The following FABP6 variants were observed in gnomAD, a reference collection of about 807,000 sequenced individuals.
The protein encoded by FABP6 is gastrotropin.
FABP6 carries 13 observed loss-of-function variants against 14.9 expected under a neutral mutation model. The observed-to-expected ratio is 0.87, with a 90% CI of 0.57 to 1.39. The LOEUF (loss-of-function observed/expected upper bound fraction) is 1.39. Among genes scored for constraint, FABP6 ranks in the 40% most tolerant of loss-of-function variants. FABP6 has a pLI of 0.00. For synonymous variants in FABP6, 75 were observed against 63.6 expected (o/e 1.18, Z -0.85); for missense variants, 161 against 167.2 (o/e 0.96, Z 0.20).
intron 3 of FABP6, among the ~76,000 whole-genome samples, chr5:160,218,559 C>G (rs555150858): frequency 1.5e-4 from 22 of 148,522 alleles, no homozygotes; most frequent in African/African-American, 5.2e-4. Flanking sequence ...CTCCCGAGTA[C>G]AAGCAGTTCT....
intron 2 of FABP6, among the ~76,000 whole-genome samples, chr5:160,234,615 C>T (rs768466448): frequency 1.3e-5 from 2 of 151,896 alleles, no homozygotes; most frequent in African/African-American, 2.4e-5. Flanking sequence ...TTAGTAGAGA[C>T]GGGGTTTCAC....
At chr5:160,208,859 C>A (rs1235972001) in intron 2 of FABP6, among the ~76,000 whole-genome samples, 1 of 150,506 alleles carries the variant, frequency 6.6e-6, no homozygotes, top group African/African-American at 2.5e-5. Flanking sequence ...TCACTGCAAC[C>A]TCTGCCTCCC....
At chr5:160,191,805 CAAA>C (rs144615205) in intron 1 of FABP6, among the ~76,000 whole-genome samples, 76 of 130,290 alleles carry the variant, frequency 5.8e-4, no homozygotes, top group Non-Finnish European at 6.6e-4. Flanking sequence ...ACTAAAAATA[CAAA>C]AAAAAAAAAA....
chr5:160,231,992 A>G, intron 1 of FABP6, 106 bp from the exon 2 acceptor site: 1 of 1,301,660 alleles, frequency 7.7e-7, no homozygotes, highest in South Asian at 1.4e-5. Context: ...CTAGCCTATC[A>G]TGCACAAGGG....
At chr5:160,199,466 C>T (rs1759584210) in intron 2 of FABP6, among the ~76,000 whole-genome samples, 1 of 152,140 alleles carries the variant, frequency 6.6e-6, no homozygotes, top group Non-Finnish European at 1.5e-5. Flanking sequence ...GCCCCCTGGG[C>T]TCACCCCCTC....
intron 1 of FABP6, among the ~76,000 whole-genome samples, chr5:160,194,305 A>C (rs958974882): frequency 9.2e-5 from 14 of 152,276 alleles, no homozygotes; most frequent in Middle Eastern, 6.8e-3. Context: ...ACCTCCCTGC[A>C]AGCTGAGGGA....
intron 1 of FABP6, among the ~76,000 whole-genome samples, chr5:160,195,539 A>C (rs1549202): frequency 0.66 from 100,181 of 151,998 alleles, 33,174 homozygotes; most frequent in East Asian, 0.79. Flanking sequence ...CTGCAGCCAC[A>C]GCTTCCCAGG....
At chr5:160,189,838 T>C (rs993609969) in intron 1 of FABP6, among the ~76,000 whole-genome samples, 1 of 152,200 alleles carries the variant, frequency 6.6e-6, no homozygotes, top group African/African-American at 2.4e-5. Context: ...AAGTTGTTGG[T>C]ATGTATGCTC....
rs117454059 is a variant in FABP6 at position 160,209,146 on chromosome 5, C to G, written c.52-4590C>G. Among the ~76,000 whole-genome samples the G allele has an allele frequency of 5.0e-3, 764 of 151,820 alleles. 16 individuals carry two copies. Among genetic ancestry groups the G allele is most frequent in the East Asian group, 0.019 (96 of 5,164 alleles). Reference sequence around the variant, plus strand: ...GCTCACACCTGTTGTCCCAGCTACTCCAGAGGCTGAGGCTGCAGTGAGCCA... The same window carrying G: ...GCTCACACCTGTTGTCCCAGCTACTGCAGAGGCTGAGGCTGCAGTGAGCCA... On this transcript the variant is annotated intron_variant, in intron 2 of 6. Transcript: ENST00000393980.
rs546743603 is a variant in FABP6 at position 160,199,385 on chromosome 5, G to A, written c.51+228G>A. ...ACTAAGATGGCTTCCCTCAGAGGAC[G>A]GACACTTGGAGTAGTGGCAGGTTCG... On this transcript the variant is annotated intron_variant, in intron 2 of 6. Transcript: ENST00000393980. Among the ~76,000 whole-genome samples the A allele has an allele frequency of 3.9e-5, 6 of 152,322 alleles. No individual in the cohort carries two copies. The South Asian group carries it at 1.2e-3, about 32-fold the overall frequency.
At chr5:160,230,821 G>T (rs4579292) in intron 1 of FABP6, among the ~76,000 whole-genome samples, 99,848 of 152,116 alleles carry the variant, frequency 0.66, 32,938 homozygotes, top group African/African-American at 0.69. Context: ...GAAACCAAAG[G>T]GTTAGCATGG....
chr5:160,229,672 C>G, intron 1 of FABP6, 48 bp downstream of exon 1: 1 of 1,567,774 alleles, frequency 6.4e-7, no homozygotes, highest in Non-Finnish European at 8.8e-7. Flanking sequence ...TTTGTCACAG[C>G]CAGCTCTGGG....
chr5:160,232,356 G>A lies in FABP6; in HGVS notation c.243+83G>A, dbSNP rs1431040533. On this transcript the variant is annotated intron_variant, in intron 2 of 3. Coordinates refer to ENST00000402432, the MANE Select transcript of FABP6 (RefSeq NM_001445.3). ...TCAAACATGGCCTCCCCGCTCCCGA[G>A]CTGAGGCTTCTTTCTCCAGTTTGGC... is the stretch of plus-strand genomic sequence containing the variant. 3 of 1,389,792 alleles carry A rather than the reference G, an allele frequency of 2.2e-6. No homozygotes were observed. The Middle Eastern group carries it at 7.4e-4, about 344-fold the overall frequency. 86.1% of individuals were successfully genotyped at this position (1,389,792 alleles called of 1,614,324 possible). A position where few individuals can be genotyped will look rare whatever the true frequency, so the allele number is the denominator to read the frequency against.
intron 2 of FABP6, among the ~76,000 whole-genome samples, chr5:160,211,708 C>A (rs1759894086): frequency 6.6e-6 from 1 of 152,156 alleles, no homozygotes; most frequent in South Asian, 2.1e-4. Flanking sequence ...CTTTTTCATC[C>A]TTTCTATGAG....
Position 160,232,248 on chromosome 5 carries a change from A to T in FABP6, c.218A>T (p.Gln73Leu). The change falls in exon 2 of 4, where the codon CAG becomes CTG. Residue 73 changes from glutamine (Q) to leucine (L), a missense_variant. By Grantham distance (113) the Gln-to-Leu change is moderately radical. Transcript: ENST00000402432. ...KFTVGKESNI[Q>L]TMGGKTFKAT... ...ACTGTTGGCAAGGAAAGCAACATAC[A>T]GACAATGGGGGGCAAGACGTTCAAG... The T allele has an allele frequency of 1.2e-6, 2 of 1,611,132 alleles. No homozygotes were observed. Among genetic ancestry groups the T allele is most frequent in the Middle Eastern group, 1.7e-4 (1 of 6,048 alleles).
At chr5:160,236,961 A>G (rs1760530895) in intron 3 of FABP6, among the ~76,000 whole-genome samples, 1 of 152,078 alleles carries the variant, frequency 6.6e-6, no homozygotes. Flanking sequence ...CTGGACAACA[A>G]GAGCAAAACT....
At chr5:160,232,298 T>A in intron 2 of FABP6, 25 bp downstream of exon 2, 1 of 1,566,352 alleles carries the variant, frequency 6.4e-7, no homozygotes, top group Non-Finnish European at 8.7e-7. Context: ...GCTGTCCCCC[T>A]CCTTCCCCAG....
intron 3 of FABP6, among the ~76,000 whole-genome samples, chr5:160,221,116 G>C (rs1244121302): frequency 6.7e-6 from 1 of 149,210 alleles, no homozygotes; most frequent in Admixed American, 6.7e-5. Context: ...AAAGACTTGA[G>C]ACTTGAGGAC....
intron 2 of FABP6, among the ~76,000 whole-genome samples, chr5:160,210,466 C>T (rs1376834145): frequency 6.6e-6 from 1 of 152,146 alleles, no homozygotes; most frequent in African/African-American, 2.4e-5. Context: ...AAATTCAGGC[C>T]CAAGCAGTGG....
Sources: allele counts gnomAD v4.1 joint callset (sites outside exome capture counted in the v4.1 genomes callset), GRCh38; gene constraint gnomAD v4.1.1; transcripts MANE v1.5; gene names NCBI Gene and HGNC (gene_info 2026-07-23, HGNC 2026-07-21).